CCBE1: variants seen among roughly 807,000 people sequenced by gnomAD.
The protein encoded by CCBE1 is collagen and calcium binding EGF domains 1, also known as collagen and calcium-binding EGF domain-containing protein 1.
In CCBE1, 37 loss-of-function variants were observed where a neutral mutation model predicts 50.0. The observed-to-expected ratio is 0.74, with a 90% CI of 0.57 to 0.97. The LOEUF (loss-of-function observed/expected upper bound fraction) is 0.97. Ranked by LOEUF, CCBE1 falls within the 50% of genes least tolerant of loss-of-function variation. The probability of loss-of-function intolerance (pLI) is 0.00; values close to 1 mark genes in which losing one functional copy is unlikely to be tolerated. For synonymous variants in CCBE1, 234 were observed against 203.7 expected, an observed-to-expected ratio of 1.15 and a Z score of -1.27; for missense variants, 538 against 523.8, an observed-to-expected ratio of 1.03 and a Z score of -0.26.
intron 5 of CCBE1, among the ~76,000 whole-genome samples, chr18:59,463,533 G>A (rs375693624): frequency 3.9e-5 from 6 of 152,220 alleles, no homozygotes; most frequent in African/African-American, 1.4e-4. Flanking sequence ...GAGGCTACCT[G>A]AGACCAAAGC....
chr18:59,467,770 C>A (rs2143725162), intron 4 of CCBE1, among the ~76,000 whole-genome samples: 1 of 152,288 alleles, frequency 6.6e-6, no homozygotes, highest in South Asian at 2.1e-4. Flanking sequence ...CACAGGCCAG[C>A]CCTGAACTTG....
At chr18:59,687,068 T>G (rs567256645) in intron 2 of CCBE1, among the ~76,000 whole-genome samples, 1 of 152,250 alleles carries the variant, frequency 6.6e-6, no homozygotes, top group East Asian at 1.9e-4. Flanking sequence ...ACCATGCAAT[T>G]TCACACCACA....
At position 59,435,647 on chromosome 18, in the gene CCBE1, A is replaced by G. The variant is rs886054072; in HGVS notation, c.*261T>C. 3.8e-6 allele frequency: 2 copies of G among 521,786 alleles called. No individual in the cohort carries two copies. Among genetic ancestry groups the G allele is most frequent in the South Asian group, 2.4e-5 (1 of 42,156 alleles). The allele number at this position is 521,786 out of a possible 1,614,324, so 32.3% of individuals were successfully genotyped here. On this transcript the variant is annotated 3_prime_UTR_variant, in exon 11 of 11. Transcript: ENST00000439986. Reference sequence around the variant, plus strand: ...TCCTGGAAAAATAGGATGTAAAAGAAAAGTTACAATGCAAACCACCCCAAT... The same window carrying G: ...TCCTGGAAAAATAGGATGTAAAAGAGAAGTTACAATGCAAACCACCCCAAT...
At chr18:59,439,881 A>C in intron 7 of CCBE1, 65 bp from the exon 8 acceptor site, 4 of 1,569,274 alleles carry the variant, frequency 2.5e-6, no homozygotes, top group Non-Finnish European at 3.5e-6. Flanking sequence ...CTGGCTAACA[A>C]GAGTCCAGGA....
intron 3 of CCBE1, among the ~76,000 whole-genome samples, chr18:59,474,550 A>C (rs943628779): frequency 2.0e-5 from 3 of 152,160 alleles, no homozygotes; most frequent in Non-Finnish European, 2.9e-5. Flanking sequence ...TTCAAAATTC[A>C]ATGTGTGAGC....
At chr18:59,639,160 G>A (rs2053952259) in intron 2 of CCBE1, among the ~76,000 whole-genome samples, 1 of 152,160 alleles carries the variant, frequency 6.6e-6, no homozygotes, top group Non-Finnish European at 1.5e-5. Flanking sequence ...GCAGTCCCAG[G>A]AGTGGAGGCT....
At chr18:59,579,178 G>A (rs558141077) in intron 2 of CCBE1, among the ~76,000 whole-genome samples, 2 of 152,004 alleles carry the variant, frequency 1.3e-5, no homozygotes, top group Admixed American at 1.3e-4. Context: ...TATCTTTTTT[G>A]ACAACTACTG....
intron 2 of CCBE1, among the ~76,000 whole-genome samples, chr18:59,651,416 G>A: frequency 6.6e-6 from 1 of 152,204 alleles, no homozygotes; most frequent in Non-Finnish European, 1.5e-5. Context: ...TTTTAAACGA[G>A]ACTGCATGCC....
intron 2 of CCBE1, among the ~76,000 whole-genome samples, chr18:59,572,963 A>G (rs1429671713): frequency 6.6e-6 from 1 of 152,050 alleles, no homozygotes; most frequent in African/African-American, 2.4e-5. Context: ...GTATCAGTAG[A>G]CTTTGAGTAA....
intron 2 of CCBE1, among the ~76,000 whole-genome samples, chr18:59,495,634 G>A (rs886503324): frequency 3.4e-5 from 5 of 145,036 alleles, no homozygotes; most frequent in Non-Finnish European, 7.5e-5. Flanking sequence ...TAAGAAACTT[G>A]TCTTGGTCAT....
At chr18:59,606,186 C>T (rs187250089) in intron 2 of CCBE1, among the ~76,000 whole-genome samples, 49 of 152,306 alleles carry the variant, frequency 3.2e-4, no homozygotes, top group Non-Finnish European at 5.7e-4. Flanking sequence ...GCAGAGATCA[C>T]ATTTGTGTAT....
intron 2 of CCBE1, among the ~76,000 whole-genome samples, chr18:59,559,554 G>A (rs184293772): frequency 4.6e-5 from 7 of 152,160 alleles, no homozygotes; most frequent in African/African-American, 1.7e-4. Context: ...CAAGCATTCC[G>A]GTTCAAAGAA....
At position 59,543,111 on chromosome 18, in the gene CCBE1, T is replaced by G. The variant is rs143204694; in HGVS notation, c.213-62873A>C. ...TTGGATTGCTCTAGTTGGATCCCAA[T>G]GCTTTCCATATTTTACACAAAAAGT... On this transcript the variant is annotated intron_variant, in intron 2 of 10. Coordinates refer to ENST00000439986, the MANE Select transcript of CCBE1 (RefSeq NM_133459.4). Among the ~76,000 whole-genome samples the G allele has an allele frequency of 9.7e-3, 1,481 of 152,210 alleles. 5 individuals carry two copies. The highest frequency in any genetic ancestry group is 0.02 in the Middle Eastern group (6 of 294).
intron 2 of CCBE1, among the ~76,000 whole-genome samples, chr18:59,508,844 G>A (rs772305132): frequency 2.8e-4 from 43 of 151,066 alleles, no homozygotes; most frequent in Admixed American, 1.6e-3. Context: ...AGCCTCCTGA[G>A]TAGCTGGGAC....
intron 2 of CCBE1, among the ~76,000 whole-genome samples, chr18:59,637,465 AC>A (rs1340672986): frequency 6.6e-6 from 1 of 152,144 alleles, no homozygotes; most frequent in Non-Finnish European, 1.5e-5. Flanking sequence ...ACACACCCTC[AC>A]CCATCCACCC....
chr18:59,697,082 C>G, intron 1 of CCBE1, 130 bp downstream of exon 1: 6 of 1,291,572 alleles, frequency 4.6e-6, no homozygotes, highest in Non-Finnish European at 6.4e-6. Flanking sequence ...TGAGCACTCT[C>G]CTTATCCCCG....
Position 59,487,626 on chromosome 18 carries a change from C to A in CCBE1, c.213-7388G>T, listed in dbSNP as rs138056466. On this transcript the variant is annotated intron_variant, in intron 2 of 10. Coordinates refer to ENST00000439986, the MANE Select transcript of CCBE1 (RefSeq NM_133459.4). ...AACTAAAAACAAAATCCCCTCCACC[C>A]ACCACCACCAAAACCTGCCTATTTG... Among the ~76,000 whole-genome samples the A allele has an allele frequency of 4.6e-5, 7 of 152,264 alleles. No homozygotes were observed. In the East Asian group the frequency reaches 1.3e-3, roughly 29 times the overall value.
At chr18:59,584,297 C>T (rs1280948290) in intron 2 of CCBE1, among the ~76,000 whole-genome samples, 2 of 139,416 alleles carry the variant, frequency 1.4e-5, no homozygotes. Context: ...GGGAATTGGA[C>T]AATGAGAACA....
At chr18:59,472,989 C>T (rs1040941290) in intron 3 of CCBE1, among the ~76,000 whole-genome samples, 3 of 152,186 alleles carry the variant, frequency 2.0e-5, no homozygotes, top group Admixed American at 6.5e-5. Context: ...GGAAACTGCC[C>T]CCATGATTCA....
Sources: allele counts gnomAD v4.1 joint callset (sites outside exome capture counted in the v4.1 genomes callset), GRCh38; gene constraint gnomAD v4.1.1; transcripts MANE v1.5; gene names NCBI Gene and HGNC (gene_info 2026-07-23, HGNC 2026-07-21).